The following SHQ1 variants were observed in gnomAD, a reference collection of about 807,000 sequenced individuals.
The protein encoded by SHQ1 is protein SHQ1 homolog.
In SHQ1, 49 loss-of-function variants were observed where a neutral mutation model predicts 53.8. The ratio of observed to expected loss-of-function variants is 0.91; its 90% confidence interval spans 0.72 to 1.16. The LOEUF (loss-of-function observed/expected upper bound fraction) is 1.16, where lower values mean the gene tolerates loss of function less well. SHQ1 is among the 50% of genes most tolerant of loss of function. The probability of loss-of-function intolerance (pLI) is 0.00; values close to 1 mark genes in which losing one functional copy is unlikely to be tolerated. For missense variants in SHQ1, 738 were observed against 683.1 expected (o/e 1.08, Z -0.90); for synonymous variants, 243 against 251.0 (o/e 0.97, Z 0.30).
chr3:72,810,480 T>C lies in SHQ1; in HGVS notation c.1060+2191A>G, dbSNP rs371588250. 2.6e-5 allele frequency among the ~76,000 whole-genome samples: 4 copies of C among 152,328 alleles called. 1 individual carries two copies. Among genetic ancestry groups the C allele is most frequent in the African/African-American group, 9.6e-5 (4 of 41,574 alleles). ...CTGTAGTTTCTGAAGCATTCCTACATTGGTTTTGAAAGCTCATTCCATTTA... is the reference window on the plus strand; with the variant it reads ...CTGTAGTTTCTGAAGCATTCCTACACTGGTTTTGAAAGCTCATTCCATTTA... On this transcript the variant is annotated intron_variant, in intron 9 of 10. Coordinates refer to ENST00000325599, the MANE Select transcript of SHQ1 (RefSeq NM_018130.3).
intron 10 of SHQ1, among the ~76,000 whole-genome samples, chr3:72,758,708 T>C (rs1270017997): frequency 6.6e-6 from 1 of 152,016 alleles, no homozygotes; most frequent in Non-Finnish European, 1.5e-5. Flanking sequence ...TAGCTGGGAT[T>C]ACAGGCACTC....
chr3:72,761,272 A>G (rs954051516), intron 10 of SHQ1, among the ~76,000 whole-genome samples: 2 of 152,084 alleles, frequency 1.3e-5, no homozygotes, highest in Admixed American at 1.3e-4. Flanking sequence ...ACTGTGTTCA[A>G]GCAATCCTCC....
At position 72,750,084 on chromosome 3, in the gene SHQ1, T is replaced by C; in HGVS notation, c.*200A>G. The C allele has an allele frequency of 1.8e-6, 1 of 562,740 alleles. No homozygotes were observed. Among genetic ancestry groups the C allele is most frequent in the African/African-American group, 1.9e-5 (1 of 53,024 alleles). 34.9% of individuals were successfully genotyped at this position (562,740 alleles called of 1,614,324 possible). A position where few individuals can be genotyped will look rare whatever the true frequency, so the allele number is the denominator to read the frequency against. Reference sequence around the variant, plus strand: ...AGAGAATAATAACAAGAAAAAAGTCTGTACATGTTTGGTACAGATGCGATT... The same window carrying C: ...AGAGAATAATAACAAGAAAAAAGTCCGTACATGTTTGGTACAGATGCGATT... On this transcript the variant is annotated 3_prime_UTR_variant, in exon 11 of 11. Coordinates refer to ENST00000325599, the MANE Select transcript of SHQ1 (RefSeq NM_018130.3).
intron 9 of SHQ1, among the ~76,000 whole-genome samples, chr3:72,810,435 A>G (rs1057372140): frequency 1.3e-5 from 2 of 152,226 alleles, no homozygotes; most frequent in African/African-American, 2.4e-5. Context: ...ATCTTAGTCA[A>G]TCAGTTATAA....
At chr3:72,729,982 C>T in the SHQ1 span, among the ~76,000 whole-genome samples, 1 of 151,280 alleles carries the variant, frequency 6.6e-6, no homozygotes, top group Non-Finnish European at 1.5e-5. Context: ...CCTCACCAGG[C>T]TAATTTTTTG....
intron 6 of SHQ1, among the ~76,000 whole-genome samples, chr3:72,820,415 C>A (rs1336580312): frequency 2.0e-5 from 3 of 152,176 alleles, no homozygotes; most frequent in Non-Finnish European, 4.4e-5. Flanking sequence ...ATTAATAACA[C>A]ACAAATGCAT....
chr3:72,758,379 T>A (rs1188637145), intron 10 of SHQ1, among the ~76,000 whole-genome samples: 1 of 152,194 alleles, frequency 6.6e-6, no homozygotes, highest in Non-Finnish European at 1.5e-5. Context: ...AAATTTCAAC[T>A]GGTTTTTATG....
intron 10 of SHQ1, among the ~76,000 whole-genome samples, chr3:72,786,789 G>A (rs988590823): frequency 1.3e-5 from 2 of 151,976 alleles, no homozygotes; most frequent in African/African-American, 4.8e-5. Flanking sequence ...GCACATAATA[G>A]AGCTCAATAA....
chr3:72,773,064 C>A, intron 10 of SHQ1: 1 of 854,716 alleles, frequency 1.2e-6, no homozygotes. Context: ...AGTCCATGTT[C>A]TCTAAGTACT....
chr3:72,731,974 A>AC, the SHQ1 span, among the ~76,000 whole-genome samples: 4 of 151,388 alleles, frequency 2.6e-5, no homozygotes, highest in South Asian at 6.3e-4. Flanking sequence ...GCCACTTCCC[A>AC]CCCCCATTCA....
At chr3:72,842,015 A>G (rs184718318) in intron 3 of SHQ1, among the ~76,000 whole-genome samples, 88 of 152,262 alleles carry the variant, frequency 5.8e-4, no homozygotes, top group African/African-American at 2.1e-3. Flanking sequence ...TATACTTCTG[A>G]TCTTAGCTCA....
chr3:72,806,708 T>C (rs1318855187), intron 9 of SHQ1, among the ~76,000 whole-genome samples: 1 of 152,186 alleles, frequency 6.6e-6, no homozygotes, highest in African/African-American at 2.4e-5. Context: ...CACTATCCCA[T>C]GAACCTCCTC....
downstream of SHQ1, among the ~76,000 whole-genome samples, chr3:72,746,472 C>T (rs1705261284): frequency 6.6e-6 from 1 of 152,188 alleles, no homozygotes; most frequent in Non-Finnish European, 1.5e-5. Context: ...ATAGTGTTCT[C>T]AGCCCATCTT....
chr3:72,822,310 G>A (rs975795413), intron 6 of SHQ1, among the ~76,000 whole-genome samples: 1 of 152,130 alleles, frequency 6.6e-6, no homozygotes, highest in Non-Finnish European at 1.5e-5. Context: ...TAATGGCTTT[G>A]CAGACTATGA....
At chr3:72,772,314 A>G (rs766542144) in intron 10 of SHQ1, among the ~76,000 whole-genome samples, 10 of 152,128 alleles carry the variant, frequency 6.6e-5, no homozygotes, top group Non-Finnish European at 1.2e-4. Flanking sequence ...ATCAGCAAGA[A>G]TGAGGGATTA....
intron 10 of SHQ1, among the ~76,000 whole-genome samples, chr3:72,771,752 C>T (rs1193382780): frequency 6.6e-6 from 1 of 152,120 alleles, no homozygotes; most frequent in Non-Finnish European, 1.5e-5. Context: ...AGAGGTTGAT[C>T]GGGAAGACTG....
intron 10 of SHQ1, among the ~76,000 whole-genome samples, chr3:72,771,925 G>A (rs1705860827): frequency 6.6e-6 from 1 of 152,184 alleles, no homozygotes; most frequent in Admixed American, 6.5e-5. Flanking sequence ...GAGTAGGAGG[G>A]TTCTCATTTA....
intron 1 of SHQ1, among the ~76,000 whole-genome samples, chr3:72,847,290 C>A (rs577090483): frequency 6.6e-6 from 1 of 152,156 alleles, no homozygotes; most frequent in African/African-American, 2.4e-5. Context: ...AGGTTTGTAC[C>A]ACAAAAGTAC....
At chr3:72,813,193 C>T (rs968001929) in intron 8 of SHQ1, among the ~76,000 whole-genome samples, 2 of 152,100 alleles carry the variant, frequency 1.3e-5, no homozygotes, top group Admixed American at 6.5e-5. Context: ...TAGAACTCAC[C>T]GGGAGTGGTG....
Sources: gnomAD v4.1 joint callset for allele counts (sites outside exome capture counted in the v4.1 genomes callset) on GRCh38, gnomAD v4.1.1 for gene constraint, MANE v1.5 for transcripts, NCBI Gene and HGNC (gene_info 2026-07-23, HGNC 2026-07-21) for gene names.